MINK1: variants seen among roughly 807,000 people sequenced by gnomAD.
MINK1 encodes misshapen-like kinase 1.
A neutral mutation model predicts 178.4 loss-of-function variants in MINK1; 46 were observed. The observed-to-expected ratio is 0.26, with a 90% confidence interval of 0.20 to 0.33. The LOEUF (loss-of-function observed/expected upper bound fraction) is 0.33. Ranked by LOEUF, MINK1 falls within the 10% of genes least tolerant of loss-of-function variation. The probability of loss-of-function intolerance (pLI) is 1.00; values close to 1 mark genes in which losing one functional copy is unlikely to be tolerated. For synonymous variants in MINK1, 797 were observed against 709.7 expected (o/e 1.12, Z -1.96); for missense variants, 1,366 against 1,814.9 (o/e 0.75, Z 4.49).
intron 1 of MINK1, among the ~76,000 whole-genome samples, chr17:4,874,100 T>C (rs1966950890): frequency 6.6e-6 from 1 of 152,232 alleles, no homozygotes; most frequent in African/African-American, 2.4e-5. Context: ...TCGGTTGCTG[T>C]TTATGATATA....
At chr17:4,876,216 A>G (rs1316683475) in intron 1 of MINK1, among the ~76,000 whole-genome samples, 1 of 152,144 alleles carries the variant, frequency 6.6e-6, no homozygotes, top group Non-Finnish European at 1.5e-5. Context: ...TCAGCTGTCA[A>G]TACTTCCTCC....
chr17:4,897,322 C>T lies in MINK1; in HGVS notation c.*35C>T. 6.3e-7 allele frequency: 1 copy of T among 1,593,746 alleles called. No individual in the cohort carries two copies. The highest frequency in any genetic ancestry group is 1.1e-5 in the South Asian group (1 of 90,168). ...GGGCTGGGGCTGTCCCACACTGGAC[C>T]CAGCTCTCCCCCTGCAGCCAGGCTT... On this transcript the variant is annotated 3_prime_UTR_variant, in exon 32 of 32. Coordinates refer to ENST00000355280, the MANE Select transcript of MINK1 (RefSeq NM_153827.5).
At chr17:4,884,778 T>C (rs1399849273) in intron 5 of MINK1, 134 bp from the exon 6 acceptor site, 3 of 760,246 alleles carry the variant, frequency 3.9e-6, no homozygotes, top group East Asian at 2.7e-5. Flanking sequence ...CTTGGGCTCC[T>C]GGTGGAGAAG....
Position 4,886,254 on chromosome 17 carries a change from C to T in MINK1, c.773+56C>T, listed in dbSNP as rs576432734. 6.3e-7 allele frequency: 1 copy of T among 1,579,972 alleles called. No individual in the cohort carries two copies. The stretch of plus-strand genomic sequence containing the variant: ...GGAAGGTCCCTGGACAAGGCCATCC[C>T]CACCTTCATGCCCTCTGTGCTCAGG... On this transcript the variant is annotated intron_variant, in intron 9 of 31. Transcript: ENST00000355280. The surrounding 1 kb of genome is among the most constrained non-coding windows in gnomAD (Gnocchi z 6.1).
Position 4,895,819 on chromosome 17 carries a change from G to C in MINK1, c.3351G>C (p.Gly1117=), listed in dbSNP as rs747717875. The C allele has an allele frequency of 1.2e-6, 2 of 1,613,564 alleles. No homozygotes were observed. The highest frequency in any genetic ancestry group is 1.7e-6 in the Non-Finnish European group (2 of 1,179,760). Reference sequence around the variant, plus strand: ...CCGTGGGGGACATGGAGGGCTGCGGGCACTACCGTGTTGGTGAGGATGTCC... The same window carrying C: ...CCGTGGGGGACATGGAGGGCTGCGGCCACTACCGTGTTGGTGAGGATGTCC... ...WTTVGDMEGC[G]HYRVVKYERI... is the part of the protein sequence containing the mutation. The change falls in exon 27 of 32, where the codon GGG becomes GGC. Residue 1117 remains glycine, a synonymous_variant. Coordinates refer to ENST00000355280, the MANE Select transcript of MINK1 (RefSeq NM_153827.5). This position sits in a 1 kb window ranked among gnomAD's most constrained non-coding sequence, Gnocchi z 4.3.
At chr17:4,869,437 C>T (rs1227201573) in intron 1 of MINK1, among the ~76,000 whole-genome samples, 1 of 151,758 alleles carries the variant, frequency 6.6e-6, no homozygotes. Context: ...CCACGTCCAG[C>T]TAATTTTTTG....
At chr17:4,861,337 T>C (rs929107149) in intron 1 of MINK1, among the ~76,000 whole-genome samples, 1 of 152,174 alleles carries the variant, frequency 6.6e-6, no homozygotes, top group African/African-American at 2.4e-5. Flanking sequence ...AGCAAAGCAA[T>C]ATGTACAATT....
chr17:4,869,751 T>C (rs2150939086), intron 1 of MINK1, among the ~76,000 whole-genome samples: 1 of 143,834 alleles, frequency 7.0e-6, no homozygotes, highest in East Asian at 2.2e-4. Context: ...CAGCATCTCT[T>C]TTTTTTTTTG....
At chr17:4,893,825 G>A (rs746627438) in intron 21 of MINK1, 163 bp from the exon 22 acceptor site, 80 of 854,598 alleles carry the variant, frequency 9.4e-5, no homozygotes, top group Middle Eastern at 3.3e-4. Context: ...TGTGTGCCAT[G>A]CAGGGAAGCA....
rs144736076 is a variant in MINK1 at position 4,897,288 on chromosome 17, C to G, written c.*1C>G. The G allele has an allele frequency of 6.2e-7, 1 of 1,613,396 alleles. No individual in the cohort carries two copies. Among genetic ancestry groups the G allele is most frequent in the Non-Finnish European group, 8.5e-7 (1 of 1,179,592 alleles). ...CCGTAACTGCATCATGAACTGGTGACGGGGCCCTGGGCTGGGGCTGTCCCA... is the reference window on the plus strand; with the variant it reads ...CCGTAACTGCATCATGAACTGGTGAGGGGGCCCTGGGCTGGGGCTGTCCCA... On this transcript the variant is annotated 3_prime_UTR_variant, in exon 32 of 32. Coordinates refer to ENST00000355280, the MANE Select transcript of MINK1 (RefSeq NM_153827.5).
At position 4,894,434 on chromosome 17, in the gene MINK1, GT is replaced by G; in HGVS notation, c.2809-89del. 6.6e-7 allele frequency: 1 copy of G among 1,523,102 alleles called. No homozygotes were observed. The allele number at this position is 1,523,102 out of a possible 1,614,324, so 94.3% of individuals were successfully genotyped here. A position where few individuals can be genotyped will look rare whatever the true frequency, so the allele number is the denominator to read the frequency against. ...TGGGAGCTGGACAGCGGGGGTGCCAGTTGGGGAGCTGGAGCCTGGGGAACAG... is the reference window on the plus strand; with the variant it reads ...TGGGAGCTGGACAGCGGGGGTGCCAGTGGGGAGCTGGAGCCTGGGGAACAG... On this transcript the variant is annotated intron_variant, in intron 23 of 31. Coordinates refer to ENST00000355280, the MANE Select transcript of MINK1 (RefSeq NM_153827.5). This position sits in a 1 kb window ranked among gnomAD's most constrained non-coding sequence, Gnocchi z 4.1.
At chr17:4,849,891 A>G (rs1043433374) in intron 1 of MINK1, among the ~76,000 whole-genome samples, 3 of 151,818 alleles carry the variant, frequency 2.0e-5, no homozygotes, top group African/African-American at 7.3e-5. Flanking sequence ...CTTAAACATC[A>G]CTTCCTTAGC....
chr17:4,847,557 T>C (rs1285613951), intron 1 of MINK1, among the ~76,000 whole-genome samples: 1 of 152,204 alleles, frequency 6.6e-6, no homozygotes, highest in Admixed American at 6.5e-5. Flanking sequence ...GAGTGCCTAC[T>C]ATGAGACAGA....
intron 1 of MINK1, among the ~76,000 whole-genome samples, chr17:4,866,194 G>A (rs1417351559): frequency 1.3e-5 from 2 of 152,108 alleles, no homozygotes; most frequent in Non-Finnish European, 2.9e-5. Flanking sequence ...TGGGCCAGAC[G>A]CGGTGGTTCA....
chr17:4,838,209 T>C (rs1909599082), intron 1 of MINK1, among the ~76,000 whole-genome samples: 1 of 152,178 alleles, frequency 6.6e-6, no homozygotes, highest in Non-Finnish European at 1.5e-5. Flanking sequence ...TGAAGTGAAA[T>C]GCTGCCTTGG....
At chr17:4,860,512 C>T (rs1913997969) in intron 1 of MINK1, among the ~76,000 whole-genome samples, 1 of 152,206 alleles carries the variant, frequency 6.6e-6, no homozygotes. Flanking sequence ...CTAATCTCCT[C>T]TCAGTCTGTA....
chr17:4,842,318 G>A (rs575033821), intron 1 of MINK1, among the ~76,000 whole-genome samples: 18 of 152,044 alleles, frequency 1.2e-4, no homozygotes, highest in Middle Eastern at 3.4e-3. Flanking sequence ...ACAGTGCATC[G>A]AAGAACTGTT....
At chr17:4,890,263 C>T (rs1353212360) in intron 13 of MINK1, 7 of 1,299,276 alleles carry the variant, frequency 5.4e-6, no homozygotes, top group Non-Finnish European at 6.9e-6. Flanking sequence ...AGCGACAGCT[C>T]GAGATCCTTC....
At chr17:4,871,181 ATTT>A (rs148817521) in intron 1 of MINK1, 636 of 134,714 alleles carry the variant, frequency 4.7e-3, no homozygotes, top group South Asian at 0.036. Context: ...GTTTGTTTTA[ATTT>A]TTTTTTTTTT....
Sources: gnomAD v4.1 joint callset for allele counts (sites outside exome capture counted in the v4.1 genomes callset) on GRCh38, gnomAD v4.1.1 for gene constraint, Gnocchi (gnomAD v3.1) non-coding constraint, MANE v1.5 for transcripts, NCBI Gene and HGNC (gene_info 2026-07-23, HGNC 2026-07-21) for gene names.